LGR4: variants seen among roughly 807,000 people sequenced by gnomAD.
The protein encoded by LGR4 is leucine rich repeat containing G protein-coupled receptor 4, also known as leucine-rich repeat-containing G protein-coupled receptor 4.
Under a neutral mutation model 84.8 loss-of-function variants are expected in LGR4, and 44 were observed. The observed-to-expected ratio is 0.52, with a 90% CI of 0.41 to 0.67. The LOEUF (loss-of-function observed/expected upper bound fraction) is 0.67, where lower values mean the gene tolerates loss of function less well. Ranked by LOEUF, LGR4 falls within the 30% of genes least tolerant of loss-of-function variation. The probability of loss-of-function intolerance (pLI) is 0.00; values close to 1 mark genes in which losing one functional copy is unlikely to be tolerated. For synonymous variants in LGR4, 429 were observed against 434.3 expected (o/e 0.99, Z 0.15); for missense variants, 1,032 against 1,131.4 (o/e 0.91, Z 1.26).
intron 7 of LGR4, among the ~76,000 whole-genome samples, chr11:27,381,894 T>C (rs1863102518): frequency 1.3e-5 from 2 of 152,230 alleles, no homozygotes; most frequent in Admixed American, 1.3e-4. Context: ...TAGAAACAGC[T>C]GTCTGTCTTA....
intron 4 of LGR4, among the ~76,000 whole-genome samples, chr11:27,386,020 A>G (rs186914869): frequency 2.0e-4 from 30 of 152,312 alleles, no homozygotes; most frequent in Non-Finnish European, 3.7e-4. Context: ...AGTTAAAAAT[A>G]TAAGTGTCAT....
chr11:27,404,296 G>A (rs2133389382), intron 2 of LGR4, among the ~76,000 whole-genome samples: 1 of 152,224 alleles, frequency 6.6e-6, no homozygotes, highest in South Asian at 2.1e-4. Flanking sequence ...ATGAAGTCCT[G>A]ATTTATCAAA....
chr11:27,373,414 G>T, intron 15 of LGR4, 137 bp downstream of exon 15: 1 of 729,900 alleles, frequency 1.4e-6, no homozygotes, highest in Non-Finnish European at 2.1e-6. Flanking sequence ...CACCAAATTT[G>T]CAAAGACTGA....
intron 17 of LGR4, among the ~76,000 whole-genome samples, chr11:27,370,015 G>C (rs1862850695): frequency 6.6e-6 from 1 of 152,170 alleles, no homozygotes; most frequent in Non-Finnish European, 1.5e-5. Context: ...TGAACTCCAT[G>C]TTCCAGTAAC....
intron 1 of LGR4, among the ~76,000 whole-genome samples, chr11:27,444,327 G>A (rs1397730783): frequency 2.0e-5 from 3 of 152,138 alleles, no homozygotes; most frequent in Non-Finnish European, 4.4e-5. Context: ...AAGAAGTGCT[G>A]TTAAACCATT....
rs760138643 is a variant in LGR4 at position 27,371,718 on chromosome 11, C to A, written c.1496-20G>T. Reference sequence around the variant, plus strand: ...CAGTACCTGAACATATAACACAAAGCATGTTTAATTAAAACCTTATGCAAC... The same window carrying A: ...CAGTACCTGAACATATAACACAAAGAATGTTTAATTAAAACCTTATGCAAC... On this transcript the variant is annotated intron_variant, in intron 16 of 17. Transcript: ENST00000379214. 17 of 1,570,882 alleles carry A rather than the reference C, an allele frequency of 1.1e-5. No individual in the cohort carries two copies. In the Admixed American group the frequency reaches 2.4e-4, roughly 22 times the overall value.
intron 1 of LGR4, among the ~76,000 whole-genome samples, chr11:27,453,666 A>C (rs1456423756): frequency 1.3e-5 from 2 of 152,226 alleles, no homozygotes; most frequent in Non-Finnish European, 2.9e-5. Flanking sequence ...CCAGCACCAA[A>C]AACAGTCCCT....
intron 2 of LGR4, among the ~76,000 whole-genome samples, chr11:27,394,460 T>C (rs1863348615): frequency 1.3e-5 from 2 of 152,314 alleles, no homozygotes; most frequent in South Asian, 4.1e-4. Context: ...TGGAGTGCAG[T>C]GGTGCAATCT....
At chr11:27,394,928 G>C (rs1490541346) in intron 2 of LGR4, among the ~76,000 whole-genome samples, 1 of 151,990 alleles carries the variant, frequency 6.6e-6, no homozygotes, top group Non-Finnish European at 1.5e-5. Flanking sequence ...GCCAATTCAT[G>C]AAACAGAAAC....
chr11:27,456,129 A>C (rs187820585), intron 1 of LGR4, among the ~76,000 whole-genome samples: 10 of 152,328 alleles, frequency 6.6e-5, no homozygotes, highest in Non-Finnish European at 1.2e-4. Flanking sequence ...CAACCTTTAG[A>C]ATCACCAAGC....
chr11:27,410,153 G>T (rs948833614), intron 2 of LGR4, among the ~76,000 whole-genome samples: 1 of 152,058 alleles, frequency 6.6e-6, no homozygotes, highest in African/African-American at 2.4e-5. Context: ...TGTGGCTAGT[G>T]GCTACGGTGC....
chr11:27,442,360 AT>A (rs542106921), intron 1 of LGR4, among the ~76,000 whole-genome samples: 134 of 152,336 alleles, frequency 8.8e-4, no homozygotes, highest in Non-Finnish European at 1.7e-3. Flanking sequence ...GAACCTCAAT[AT>A]TAAACACCTT....
intron 1 of LGR4, among the ~76,000 whole-genome samples, chr11:27,465,466 G>A (rs969802166): frequency 6.6e-6 from 1 of 152,114 alleles, no homozygotes; most frequent in African/African-American, 2.4e-5. Flanking sequence ...TTAATTGCCT[G>A]GACACGACAC....
chr11:27,440,270 A>C (rs1864284234), intron 1 of LGR4, among the ~76,000 whole-genome samples: 1 of 152,092 alleles, frequency 6.6e-6, no homozygotes, highest in Non-Finnish European at 1.5e-5. Flanking sequence ...CACGGAGCAC[A>C]TGGGAAGGAA....
In LGR4 at chr11:27,369,063, A is replaced by C; in HGVS notation, c.1660T>G (p.Phe554Val). Residue 554 changes from phenylalanine to valine, a missense_variant, in exon 18 of 18, where the codon TTT becomes GTT. Coordinates refer to ENST00000379214, the MANE Select transcript of LGR4 (RefSeq NM_018490.5). ...GTTAAAATAACAAGCAGGTTGAAAA[A>C]TAATGCAACCAAGAAAATGAACCAC... ...TVWFIFLVAL[F>V]FNLLVILTTF... 1.2e-6 allele frequency: 2 copies of C among 1,614,088 alleles called. No homozygotes were observed. The highest frequency in any genetic ancestry group is 1.7e-6 in the Non-Finnish European group (2 of 1,179,986).
chr11:27,462,174 GT>G (rs1402522580), intron 1 of LGR4, among the ~76,000 whole-genome samples: 3 of 152,054 alleles, frequency 2.0e-5, no homozygotes, highest in African/African-American at 4.8e-5. Flanking sequence ...GTGTCACAAA[GT>G]CTGGAAGTAG....
chr11:27,380,705 C>T lies in LGR4; in HGVS notation c.837G>A (p.Leu279=), dbSNP rs1863076383. ...DGNPLLRTIH[L]YDNPLSFVGN... is the part of the protein sequence containing the mutation. Reference sequence around the variant, plus strand: ...CCACAAAAGACAGAGGATTATCATACAAATGTCTGTGAAAATATCCAAAAA... The same window carrying T: ...CCACAAAAGACAGAGGATTATCATATAAATGTCTGTGAAAATATCCAAAAA... The change falls in exon 9 of 18, where the codon TTG becomes TTA. Residue 279 remains leucine, a synonymous_variant. Coordinates refer to ENST00000379214, the MANE Select transcript of LGR4 (RefSeq NM_018490.5). The T allele has an allele frequency of 1.9e-6, 3 of 1,597,260 alleles. No individual in the cohort carries two copies. The highest frequency in any genetic ancestry group is 2.2e-5 in the East Asian group (1 of 44,550).
intron 1 of LGR4, among the ~76,000 whole-genome samples, chr11:27,424,618 G>A (rs1049289269): frequency 3.9e-5 from 6 of 152,300 alleles, no homozygotes; most frequent in Admixed American, 6.5e-5. Flanking sequence ...CGGAGCTCAC[G>A]GAGCTCATCA....
At position 27,392,520 on chromosome 11, in the gene LGR4, T is replaced by TAA; in HGVS notation, c.258-3_258-2insTT. ...GAAAGGTCGTTGCCCGCCAATTGTC[T>TAA]AGAGAAAAAAAAAAAAAAAGTAGCA... On this transcript the variant is annotated splice_region_variant and splice_polypyrimidine_tract_variant and intron_variant, in intron 2 of 17. Coordinates refer to ENST00000379214, the MANE Select transcript of LGR4 (RefSeq NM_018490.5). 6.7e-7 allele frequency: 1 copy of TAA among 1,502,296 alleles called. No individual in the cohort carries two copies. Among genetic ancestry groups the TAA allele is most frequent in the South Asian group, 1.3e-5 (1 of 74,124 alleles). The allele number at this position is 1,502,296 out of a possible 1,614,324, so 93.1% of individuals were successfully genotyped here.
Sources: gnomAD v4.1 joint callset for allele counts (sites outside exome capture counted in the v4.1 genomes callset) on GRCh38, gnomAD v4.1.1 for gene constraint, MANE v1.5 for transcripts, NCBI Gene and HGNC (gene_info 2026-07-23, HGNC 2026-07-21) for gene names.